GABRA4: variants seen among roughly 807,000 people sequenced by gnomAD.
The protein encoded by GABRA4 is gamma-aminobutyric acid type A receptor subunit alpha4, also known as gamma-aminobutyric acid receptor subunit alpha-4.
In GABRA4, 12 loss-of-function variants were observed where a neutral mutation model predicts 49.7. The observed-to-expected ratio is 0.24, with a 90% CI of 0.15 to 0.39. The LOEUF (loss-of-function observed/expected upper bound fraction) is 0.39, where lower values mean the gene tolerates loss of function less well. Ranked by LOEUF, GABRA4 falls within the 10% of genes least tolerant of loss-of-function variation. The pLI, the probability that GABRA4 is intolerant of heterozygous loss-of-function variation, is 1.00. For missense variants in GABRA4, 506 were observed against 686.0 expected (o/e 0.74, Z 2.93); for synonymous variants, 288 against 240.2 (o/e 1.20, Z -1.84).
intron 2 of GABRA4, among the ~76,000 whole-genome samples, chr4:46,981,334 A>C (rs1723348712): frequency 6.6e-6 from 1 of 152,134 alleles, no homozygotes; most frequent in South Asian, 2.1e-4. Context: ...ATAGTTCTAT[A>C]GTTACAATGA....
chr4:46,983,142 C>A (rs1723416404), intron 2 of GABRA4, among the ~76,000 whole-genome samples: 1 of 151,944 alleles, frequency 6.6e-6, no homozygotes, highest in Non-Finnish European at 1.5e-5. Context: ...AGAATTCTAA[C>A]CCCCTTGTAT....
At chr4:46,936,679 A>G (rs1392386698) in intron 8 of GABRA4, among the ~76,000 whole-genome samples, 1 of 152,220 alleles carries the variant, frequency 6.6e-6, no homozygotes, top group Non-Finnish European at 1.5e-5. Flanking sequence ...GTCATTATGT[A>G]TGAAAAGACA....
At chr4:46,981,358 A>C (rs1215095749) in intron 2 of GABRA4, among the ~76,000 whole-genome samples, 1 of 152,160 alleles carries the variant, frequency 6.6e-6, no homozygotes, top group Non-Finnish European at 1.5e-5. Flanking sequence ...CATGATAATA[A>C]TGAACATTTT....
chr4:46,967,179 C>A (rs1325566733), intron 7 of GABRA4, among the ~76,000 whole-genome samples: 1 of 151,494 alleles, frequency 6.6e-6, no homozygotes, highest in Non-Finnish European at 1.5e-5. Context: ...CAATATTTTT[C>A]CTCTAATGTC....
intron 8 of GABRA4, 140 bp downstream of exon 8, chr4:46,964,830 G>T: frequency 1.1e-6 from 1 of 907,050 alleles, no homozygotes; most frequent in Non-Finnish European, 1.6e-6. Flanking sequence ...AGCTCATACA[G>T]TTACTTTTAT....
intron 2 of GABRA4, among the ~76,000 whole-genome samples, chr4:46,986,864 G>T (rs777956605): frequency 2.6e-4 from 39 of 151,938 alleles, no homozygotes; most frequent in Non-Finnish European, 4.9e-4. Flanking sequence ...CACATCCCAC[G>T]TTCTAGCTGT....
rs1332816557 is a variant in GABRA4, at chr4:46,993,500, G to A, written c.-76C>T. 7.5e-6 allele frequency: 11 copies of A among 1,462,148 alleles called. No homozygotes were observed. In the African/African-American group the frequency reaches 1.5e-4, roughly 20 times the overall value. The allele number at this position is 1,462,148 out of a possible 1,614,324, so 90.6% of individuals were successfully genotyped here. ...ATGCCCTGAGCAGGGTGCGAGGAGAGGGCAGAGAGGCTCCCGCGGCGTGCG... is the reference window on the plus strand; with the variant it reads ...ATGCCCTGAGCAGGGTGCGAGGAGAAGGCAGAGAGGCTCCCGCGGCGTGCG... On this transcript the variant is annotated 5_prime_UTR_variant, in exon 1 of 9. Coordinates refer to ENST00000264318, the MANE Select transcript of GABRA4 (RefSeq NM_000809.4).
intron 3 of GABRA4, among the ~76,000 whole-genome samples, 157 bp downstream of exon 3, chr4:46,978,873 GA>G (rs1723248474): frequency 6.6e-6 from 1 of 151,966 alleles, no homozygotes; most frequent in South Asian, 2.1e-4. Context: ...AATTGAATGA[GA>G]TTCAATGTCT....
At chr4:46,976,918 A>G (rs1052212550) in intron 5 of GABRA4, 143 bp downstream of exon 5, 6 of 547,888 alleles carry the variant, frequency 1.1e-5, no homozygotes, top group Non-Finnish European at 2.0e-5. Flanking sequence ...ATATTAGTTA[A>G]TGAAATCTCC....
intron 8 of GABRA4, among the ~76,000 whole-genome samples, chr4:46,948,887 T>G (rs931029468): frequency 2.6e-5 from 4 of 152,122 alleles, no homozygotes; most frequent in African/African-American, 9.7e-5. Context: ...ATTTGTGATT[T>G]TATCCTACTT....
chr4:46,930,897 G>A (rs769303854), intron 8 of GABRA4, among the ~76,000 whole-genome samples: 26 of 151,436 alleles, frequency 1.7e-4, no homozygotes, highest in Admixed American at 1.2e-3. Flanking sequence ...CATAATCACC[G>A]AGAGGGAAGA....
At chr4:46,972,050 C>T (rs1214534443) in intron 6 of GABRA4, among the ~76,000 whole-genome samples, 1 of 151,608 alleles carries the variant, frequency 6.6e-6, no homozygotes, top group Non-Finnish European at 1.5e-5. Flanking sequence ...GGCCAGCATT[C>T]AGAAACCTCA....
At chr4:46,983,390 C>G (rs6826245) in intron 2 of GABRA4, among the ~76,000 whole-genome samples, 2,277 of 152,146 alleles carry the variant, frequency 0.015, 51 homozygotes, top group African/African-American at 0.052. Context: ...AAGGCAAAAT[C>G]TTAATCCTTT....
chr4:46,961,404 C>G (rs1722568464), intron 8 of GABRA4, among the ~76,000 whole-genome samples: 1 of 151,858 alleles, frequency 6.6e-6, no homozygotes, highest in Non-Finnish European at 1.5e-5. Flanking sequence ...AGCCCTATCA[C>G]TATCTAACAC....
intron 8 of GABRA4, among the ~76,000 whole-genome samples, chr4:46,929,340 CTAA>C (rs1721348290): frequency 6.6e-6 from 1 of 151,854 alleles, no homozygotes; most frequent in Non-Finnish European, 1.5e-5. Flanking sequence ...ATTATGAAAT[CTAA>C]TAATACTGAC....
intron 3 of GABRA4, among the ~76,000 whole-genome samples, chr4:46,978,318 C>T (rs1465471110): frequency 6.6e-6 from 1 of 151,954 alleles, no homozygotes; most frequent in East Asian, 1.9e-4. Context: ...ATAATGAAAA[C>T]TATAAAATAG....
chr4:46,935,909 T>C (rs1721588577), intron 8 of GABRA4, among the ~76,000 whole-genome samples: 2 of 151,996 alleles, frequency 1.3e-5, no homozygotes, highest in Non-Finnish European at 2.9e-5. Flanking sequence ...TACAAATAAA[T>C]ACAAAATGCA....
At chr4:46,969,716 A>G (rs936386945) in intron 7 of GABRA4, among the ~76,000 whole-genome samples, 11 of 151,514 alleles carry the variant, frequency 7.3e-5, no homozygotes, top group African/African-American at 2.7e-4. Flanking sequence ...GGTGAGATGT[A>G]TTATCATAAT....
At chr4:46,951,763 T>C (rs1722178745) in intron 8 of GABRA4, among the ~76,000 whole-genome samples, 1 of 148,492 alleles carries the variant, frequency 6.7e-6, no homozygotes, top group Non-Finnish European at 1.5e-5. Context: ...TATATGTATG[T>C]GTATATATAT....
Sources: gnomAD v4.1 joint callset for allele counts (sites outside exome capture counted in the v4.1 genomes callset) on GRCh38, gnomAD v4.1.1 for gene constraint, MANE v1.5 for transcripts, NCBI Gene and HGNC (gene_info 2026-07-23, HGNC 2026-07-21) for gene names.